C7: variants seen among roughly 807,000 people sequenced by gnomAD.
The protein encoded by C7 is complement component C7.
C7 carries 83 observed loss-of-function variants against 104.8 expected under a neutral mutation model. The observed-to-expected ratio is 0.79, with a 90% confidence interval of 0.66 to 0.95. C7 has a LOEUF of 0.95. Among genes scored for constraint, C7 ranks in the 40% least tolerant of loss-of-function variants. The pLI, the probability that C7 is intolerant of heterozygous loss-of-function variation, is 0.00. For synonymous variants in C7, 415 were observed against 360.6 expected (o/e 1.15, Z -1.71); for missense variants, 1,070 against 1,011.2 (o/e 1.06, Z -0.79).
intron 15 of C7, 25 bp from the exon 16 acceptor site, chr5:40,976,725 C>T: frequency 1.3e-6 from 2 of 1,537,152 alleles, no homozygotes; most frequent in South Asian, 1.2e-5. Context: ...CTCCTAACGA[C>T]CACATCTCCC....
intron 7 of C7, among the ~76,000 whole-genome samples, chr5:40,946,812 C>T (rs1037294271): frequency 6.6e-6 from 1 of 151,940 alleles, no homozygotes. Flanking sequence ...AATCTCAGCA[C>T]TTTGGGAGGC....
chr5:40,936,256 G>A, intron 4 of C7, 82 bp from the exon 5 acceptor site: 1 of 1,242,986 alleles, frequency 8.0e-7, no homozygotes, highest in Non-Finnish European at 1.2e-6. Flanking sequence ...GTTACAGGTA[G>A]CAGGAAAACC....
chr5:40,950,052 CTTCT>C, intron 9 of C7, 38 bp downstream of exon 9: 1 of 1,234,436 alleles, frequency 8.1e-7, no homozygotes, highest in Non-Finnish European at 1.1e-6. Context: ...GCAAGCTTAA[CTTCT>C]TTTTTTTTTA....
Position 40,981,468 on chromosome 5 carries a change from C to T in C7, c.2427C>T (p.Asn809=), listed in dbSNP as rs746573247. 1.1e-5 allele frequency: 18 copies of T among 1,613,516 alleles called. No homozygotes were observed. Among genetic ancestry groups the T allele is most frequent in the Middle Eastern group, 3.3e-4 (2 of 6,078 alleles). ...GGTTTAGCATTTGTGTGGAAGTGAA[C>T]GGCAAGGAGCAGACGATGTCTGAGT... ...EEGFSICVEV[N]GKEQTMSECE... The change falls in exon 18 of 18, where the codon AAC becomes AAT. Residue 809 remains asparagine (N), a synonymous_variant. Transcript: ENST00000313164.
In C7 at chr5:40,911,641, T is replaced by TTGATTTA. The variant is rs549184144; in HGVS notation, c.6+2026_6+2027insGATTTAT. Reference sequence around the variant, plus strand: ...AAGAAGGAGGTAGAGCTAATGCTCATTCATTGATGATAAAGAGGAGAAGAT... The same window carrying TTGATTTA: ...AAGAAGGAGGTAGAGCTAATGCTCATTGATTTATCATTGATGATAAAGAGGAGAAGAT... On this transcript the variant is annotated intron_variant, in intron 1 of 17. Transcript: ENST00000313164. Among the ~76,000 whole-genome samples, 11 of 152,314 alleles carry TTGATTTA rather than the reference T, an allele frequency of 7.2e-5. No individual in the cohort carries two copies. In the South Asian group the frequency reaches 2.3e-3, roughly 32 times the overall value.
chr5:40,940,685 A>G (rs1739917066), intron 6 of C7, among the ~76,000 whole-genome samples: 1 of 152,228 alleles, frequency 6.6e-6, no homozygotes, highest in African/African-American at 2.4e-5. Context: ...AATGATGGTT[A>G]AAAATATCTC....
chr5:40,955,470 C>T lies in C7; in HGVS notation c.1177C>T (p.Leu393=). 6.2e-7 allele frequency: 1 copy of T among 1,613,324 alleles called. No individual in the cohort carries two copies. The highest frequency in any genetic ancestry group is 8.5e-7 in the Non-Finnish European group (1 of 1,179,532). Reference sequence around the variant, plus strand: ...CATATCTGGCCTTAGTTACCTAGAGCTGGACAATCCTGCTGGAAACAAAAG... The same window carrying T: ...CATATCTGGCCTTAGTTACCTAGAGTTGGACAATCCTGCTGGAAACAAAAG... The part of the protein sequence containing the change: ...GFISGLSYLE[L]DNPAGNKRRY... The change falls in exon 10 of 18, where the codon CTG becomes TTG. Residue 393 remains leucine, a synonymous_variant. Transcript: ENST00000313164.
At chr5:40,917,967 G>T (rs1378652825) in intron 1 of C7, among the ~76,000 whole-genome samples, 2 of 152,156 alleles carry the variant, frequency 1.3e-5, no homozygotes, top group Non-Finnish European at 2.9e-5. Flanking sequence ...AGAGTTGTAT[G>T]CAAAGTTAAG....
In C7 at chr5:40,959,511, A is replaced by C; in HGVS notation, c.1552A>C (p.Thr518Pro). 1 of 1,611,630 alleles carries C rather than the reference A, an allele frequency of 6.2e-7. No homozygotes were observed. The highest frequency in any genetic ancestry group is 1.1e-5 in the South Asian group (1 of 90,746). ...SWSPCVQGKK[T>P]RSRECNNPPP... Reference sequence around the variant, plus strand: ...GAGCCCCTGTGTCCAAGGGAAGAAAACAAGAAGCCGTGAATGCAATAACCC... The same window carrying C: ...GAGCCCCTGTGTCCAAGGGAAGAAACCAAGAAGCCGTGAATGCAATAACCC... The change falls in exon 12 of 18, where the codon ACA becomes CCA. Residue 518 changes from threonine to proline, a missense_variant. Physicochemically the swap from Thr to Pro is conservative, Grantham distance 38. Coordinates refer to ENST00000313164, the MANE Select transcript of C7 (RefSeq NM_000587.4).
intron 14 of C7, 132 bp downstream of exon 14, chr5:40,965,005 C>A: frequency 9.5e-7 from 1 of 1,056,596 alleles, no homozygotes; most frequent in Non-Finnish European, 1.4e-6. Flanking sequence ...TGATCCTGTT[C>A]AAGTTTTAGG....
chr5:40,938,806 A>T (rs981539747), intron 6 of C7, among the ~76,000 whole-genome samples: 18 of 152,156 alleles, frequency 1.2e-4, no homozygotes, highest in African/African-American at 4.3e-4. Context: ...ATACGTACTC[A>T]TGCAAAACAG....
chr5:40,943,722 T>C (rs1312278634), intron 6 of C7, among the ~76,000 whole-genome samples: 4 of 151,900 alleles, frequency 2.6e-5, no homozygotes, highest in African/African-American at 9.7e-5. Flanking sequence ...CACAGACATA[T>C]ATATATTCTC....
intron 14 of C7, 62 bp from the exon 15 acceptor site, chr5:40,972,340 CT>C: frequency 7.1e-7 from 1 of 1,408,000 alleles, no homozygotes; most frequent in Non-Finnish European, 1.0e-6. Flanking sequence ...TCACATAAGA[CT>C]TTTTTAAAAA....
At chr5:40,957,843 C>T (rs1740327744) in intron 10 of C7, among the ~76,000 whole-genome samples, 190 bp from the exon 11 acceptor site, 2 of 150,804 alleles carry the variant, frequency 1.3e-5, no homozygotes, top group South Asian at 4.2e-4. Flanking sequence ...CCCTAATTTT[C>T]CCTAAGTTTG....
At chr5:40,949,661 C>T (rs569019585) in intron 8 of C7, among the ~76,000 whole-genome samples, 1 of 152,222 alleles carries the variant, frequency 6.6e-6, no homozygotes, top group South Asian at 2.1e-4. Flanking sequence ...AATTTCTACT[C>T]CCTGCACCTT....
At chr5:40,975,497 G>C (rs1253058968) in intron 15 of C7, among the ~76,000 whole-genome samples, 13 of 151,888 alleles carry the variant, frequency 8.6e-5, no homozygotes, top group Admixed American at 8.5e-4. Context: ...CTGAGGAGCT[G>C]AGATTACAGG....
At chr5:40,918,210 T>G (rs958676362) in intron 1 of C7, among the ~76,000 whole-genome samples, 1 of 151,570 alleles carries the variant, frequency 6.6e-6, no homozygotes, top group Non-Finnish European at 1.5e-5. Flanking sequence ...TCAAAAAAAA[T>G]TAGCTGGATG....
chr5:40,967,353 C>T (rs112272339), intron 14 of C7, among the ~76,000 whole-genome samples: 13,360 of 152,210 alleles, frequency 0.088, 831 homozygotes, highest in East Asian at 0.19. Context: ...CATGAGCCAC[C>T]GCACCTGGCC....
At chr5:40,941,552 G>T (rs1422983683) in intron 6 of C7, among the ~76,000 whole-genome samples, 5 of 152,164 alleles carry the variant, frequency 3.3e-5, no homozygotes, top group African/African-American at 1.2e-4. Context: ...CTACTCTTAT[G>T]AACAGTGGAG....
Sources: allele counts gnomAD v4.1 joint callset (sites outside exome capture counted in the v4.1 genomes callset), GRCh38; gene constraint gnomAD v4.1.1; transcripts MANE v1.5; gene names NCBI Gene and HGNC (gene_info 2026-07-23, HGNC 2026-07-21).